The following PDZD8 variants were observed in gnomAD, a reference collection of about 807,000 sequenced individuals.
PDZD8 encodes the protein PDZ domain-containing protein 8.
Under a neutral mutation model 85.8 loss-of-function variants are expected in PDZD8, and 14 were observed. The observed-to-expected ratio is 0.16, with a 90% confidence interval of 0.11 to 0.26. The LOEUF is 0.26. Among genes scored for constraint, PDZD8 ranks in the 10% least tolerant of loss-of-function variants. The pLI is 1.00. For synonymous variants in PDZD8, 592 were observed against 568.6 expected, an observed-to-expected ratio of 1.04 and a Z score of -0.59; for missense variants, 1,197 against 1,424.3, an observed-to-expected ratio of 0.84 and a Z score of 2.57.
At chr10:117,318,778 C>T (rs1323197874) in intron 3 of PDZD8, 94 bp downstream of exon 3, 2 of 893,860 alleles carry the variant, frequency 2.2e-6, no homozygotes, top group Non-Finnish European at 3.4e-6. Context: ...TTGCACATGA[C>T]CAAAAATAAC....
chr10:117,357,503 C>T (rs375828589), intron 1 of PDZD8, among the ~76,000 whole-genome samples: 3 of 151,956 alleles, frequency 2.0e-5, no homozygotes, highest in African/African-American at 7.3e-5. Context: ...CAGTGGCTCA[C>T]GCCTGTAATC....
At chr10:117,311,386 A>G (rs1440850329) in intron 3 of PDZD8, among the ~76,000 whole-genome samples, 1 of 152,166 alleles carries the variant, frequency 6.6e-6, no homozygotes, top group Non-Finnish European at 1.5e-5. Context: ...AAAACTTTGA[A>G]GGTCTGGAAG....
chr10:117,366,951 C>A (rs1159626611), intron 1 of PDZD8, among the ~76,000 whole-genome samples: 1 of 152,172 alleles, frequency 6.6e-6, no homozygotes, highest in African/African-American at 2.4e-5. Flanking sequence ...TTAGCCCCAC[C>A]CTGCTCATAT....
At chr10:117,303,319 T>C (rs1290664467) in intron 3 of PDZD8, among the ~76,000 whole-genome samples, 1 of 152,144 alleles carries the variant, frequency 6.6e-6, no homozygotes, top group Non-Finnish European at 1.5e-5. Flanking sequence ...CCTAGAGATT[T>C]GTGGAATTTT....
intron 2 of PDZD8, among the ~76,000 whole-genome samples, chr10:117,322,212 T>C (rs948206950): frequency 6.6e-6 from 1 of 152,106 alleles, no homozygotes; most frequent in Admixed American, 6.6e-5. Flanking sequence ...GACTTATAAC[T>C]AAATTAGTTG....
At chr10:117,326,836 A>C (rs1415835327) in intron 2 of PDZD8, among the ~76,000 whole-genome samples, 1 of 152,230 alleles carries the variant, frequency 6.6e-6, no homozygotes, top group African/African-American at 2.4e-5. Context: ...TTCTTGTTAC[A>C]GATGGATAAA....
At chr10:117,341,297 G>C (rs948591751) in intron 1 of PDZD8, among the ~76,000 whole-genome samples, 195 bp from the exon 2 acceptor site, 25 of 152,144 alleles carry the variant, frequency 1.6e-4, no homozygotes, top group Non-Finnish European at 3.5e-4. Context: ...CATAAGTCTT[G>C]GTTTTTTGGT....
intron 2 of PDZD8, among the ~76,000 whole-genome samples, chr10:117,331,191 G>C (rs1190577354): frequency 1.3e-5 from 2 of 152,174 alleles, no homozygotes; most frequent in Non-Finnish European, 2.9e-5. Context: ...ATTCACTATT[G>C]ATGTTGGAAA....
chr10:117,337,663 T>C (rs1346274589), intron 2 of PDZD8, among the ~76,000 whole-genome samples: 1 of 152,186 alleles, frequency 6.6e-6, no homozygotes, highest in Non-Finnish European at 1.5e-5. Flanking sequence ...TCTTCACAGA[T>C]ACTGCAACGA....
chr10:117,287,517 C>T (rs1490773068), intron 4 of PDZD8, among the ~76,000 whole-genome samples: 1 of 152,124 alleles, frequency 6.6e-6, no homozygotes, highest in Non-Finnish European at 1.5e-5. Context: ...GAGCTAAAAC[C>T]TTTCTTTGAC....
chr10:117,374,746 C>T lies in PDZD8; in HGVS notation c.482G>A (p.Arg161Gln). ...CGAGGGCACGACTGGCCGCACGAGCCGGATGGTCTTGATGAAGGGCACCGT... is the reference window on the plus strand; with the variant it reads ...CGAGGGCACGACTGGCCGCACGAGCTGGATGGTCTTGATGAAGGGCACCGT... ...GETVPFIKTI[R>Q]LVRPVVPSAT... The change falls in exon 1 of 5, where the codon CGG (arginine) becomes CAG (glutamine). Residue 161 changes from arginine (R) to glutamine (Q), a missense_variant. Around this residue, in one of 4 missense-constraint regions of PDZD8, gnomAD observed 344 missense variants for 453.6 expected, o/e 0.76. Coordinates refer to ENST00000334464, the MANE Select transcript of PDZD8 (RefSeq NM_173791.5). This position sits in a 1 kb window ranked among gnomAD's most constrained non-coding sequence, Gnocchi z 7.8. The T allele has an allele frequency of 6.2e-7, 1 of 1,612,310 alleles. No individual in the cohort carries two copies.
chr10:117,343,881 G>C (rs1844659238), intron 1 of PDZD8, among the ~76,000 whole-genome samples: 1 of 152,118 alleles, frequency 6.6e-6, no homozygotes, highest in Non-Finnish European at 1.5e-5. Context: ...AAGAACCTTT[G>C]GTTTTCAGAA....
chr10:117,374,946 A>T lies in PDZD8; in HGVS notation c.282T>A (p.Thr94=). 1 of 1,611,556 alleles carries T rather than the reference A, an allele frequency of 6.2e-7. No individual in the cohort carries two copies. Residue 94 remains threonine (T), a synonymous_variant, in exon 1 of 5, where the codon ACT becomes ACA. Transcript: ENST00000334464. This position sits in a 1 kb window ranked among gnomAD's most constrained non-coding sequence, Gnocchi z 7.8. ...GGATGGTGGCGTTGAGGAAGTAGCA[A>T]GTCTCCCGCGTCGGCGGGGCGGGGG... The part of the protein sequence containing the change: ...PETPAPPTRE[T]CYFLNATILF...
At chr10:117,295,596 C>G (rs1843741894) in intron 3 of PDZD8, among the ~76,000 whole-genome samples, 1 of 151,942 alleles carries the variant, frequency 6.6e-6, no homozygotes, top group African/African-American at 2.4e-5. Flanking sequence ...AACAAGAAAA[C>G]AGAAGTATAG....
At chr10:117,342,976 G>A (rs963492345) in intron 1 of PDZD8, among the ~76,000 whole-genome samples, 2 of 152,112 alleles carry the variant, frequency 1.3e-5, no homozygotes, top group Non-Finnish European at 2.9e-5. Flanking sequence ...CATACATGCT[G>A]CTTTCACTCT....
In PDZD8 at chr10:117,282,787, T is replaced by C. The variant is rs1412925870; in HGVS notation, c.*481A>G. 2.0e-5 allele frequency: 3 copies of C among 152,866 alleles called. No individual in the cohort carries two copies. The highest frequency in any genetic ancestry group is 7.2e-5 in the African/African-American group (3 of 41,438). The allele number at this position is 152,866 out of a possible 1,614,324, so 9.5% of individuals were successfully genotyped here. ...AAGCAAGTAGAGACGATAAACTTCA[T>C]AACACAAAAGAAAGATTCAAAACCT... is the stretch of plus-strand genomic sequence containing the variant. On this transcript the variant is annotated 3_prime_UTR_variant, in exon 5 of 5. Coordinates refer to ENST00000334464, the MANE Select transcript of PDZD8 (RefSeq NM_173791.5).
chr10:117,292,895 C>T (rs1369471751), intron 3 of PDZD8, among the ~76,000 whole-genome samples: 1 of 151,832 alleles, frequency 6.6e-6, no homozygotes, highest in Non-Finnish European at 1.5e-5. Flanking sequence ...GTACAGGGAA[C>T]AGAACATAAG....
intron 3 of PDZD8, among the ~76,000 whole-genome samples, chr10:117,310,355 C>T (rs981087778): frequency 1.3e-5 from 2 of 152,176 alleles, no homozygotes; most frequent in African/African-American, 2.4e-5. Flanking sequence ...TTCCCTACTA[C>T]GAATTTTCCT....
chr10:117,373,851 C>T (rs1364358108), intron 1 of PDZD8, among the ~76,000 whole-genome samples: 1 of 152,132 alleles, frequency 6.6e-6, no homozygotes, highest in Non-Finnish European at 1.5e-5. Context: ...TGAAAGGTGT[C>T]AAACCATCAA....
Sources: allele counts gnomAD v4.1 joint callset (sites outside exome capture counted in the v4.1 genomes callset), GRCh38; gene constraint gnomAD v4.1.1; regional missense constraint gnomAD v4.1.1; non-coding constraint Gnocchi (gnomAD v3.1); transcripts MANE v1.5; gene names NCBI Gene and HGNC (gene_info 2026-07-23, HGNC 2026-07-21).